Variants in GRIN2D observed in about 807,000 individuals in gnomAD.
GRIN2D encodes glutamate ionotropic receptor NMDA type subunit 2D.
GRIN2D carries 37 observed loss-of-function variants against 103.2 expected under a neutral mutation model. The ratio of observed to expected loss-of-function variants is 0.36; its 90% CI spans 0.28 to 0.47. The LOEUF (loss-of-function observed/expected upper bound fraction) is 0.47. Ranked by LOEUF, GRIN2D falls within the 20% of genes least tolerant of loss-of-function variation. GRIN2D has a pLI of 1.00. For synonymous variants in GRIN2D, 845 were observed against 885.6 expected (o/e 0.95, Z 0.81); for missense variants, 1,557 against 1,910.6 (o/e 0.81, Z 3.45).
At chr19:48,404,664 C>T in intron 3 of GRIN2D, 70 bp from the exon 4 acceptor site, 1 of 1,434,012 alleles carries the variant, frequency 7.0e-7, no homozygotes. Flanking sequence ...GAGCTGTGGT[C>T]CCCTTATTCA....
At chr19:48,415,316 A>G (rs2147451913) in intron 7 of GRIN2D, among the ~76,000 whole-genome samples, 1 of 152,160 alleles carries the variant, frequency 6.6e-6, no homozygotes, top group Non-Finnish European at 1.5e-5. Context: ...GGTTGCAGTA[A>G]GCGGAGATCG....
chr19:48,441,174 C>A (rs976395382), intron 11 of GRIN2D, among the ~76,000 whole-genome samples: 19 of 151,902 alleles, frequency 1.3e-4, no homozygotes, highest in African/African-American at 4.3e-4. Context: ...ATCAGCCTGG[C>A]CAACATGGTG....
intron 11 of GRIN2D, among the ~76,000 whole-genome samples, chr19:48,427,660 G>A (rs1971104355): frequency 6.7e-6 from 1 of 149,992 alleles, no homozygotes; most frequent in Non-Finnish European, 1.5e-5. Flanking sequence ...TGTATTTTTA[G>A]TAGAGATGGG....
At position 48,405,275 on chromosome 19, in the gene GRIN2D, G is replaced by A. The variant is rs772941439; in HGVS notation, c.1007G>A (p.Arg336His). The A allele has an allele frequency of 8.7e-6, 14 of 1,600,560 alleles. No homozygotes were observed. Among genetic ancestry groups the A allele is most frequent in the Admixed American group, 3.4e-5 (2 of 59,458 alleles). Residue 336 changes from arginine to histidine, a missense_variant, in exon 4 of 14, where the codon CGT (arginine) becomes CAT (histidine). Arg to His is a conservative substitution (Grantham distance 29). This residue lies in a region of GRIN2D where 490 missense variants were observed against 601.1 expected (regional missense o/e 0.82). Coordinates refer to ENST00000263269, the MANE Select transcript of GRIN2D (RefSeq NM_000836.4). This position sits in a 1 kb window ranked among gnomAD's most constrained non-coding sequence, Gnocchi z 5.1. ...VVARGAQALLRDYGFLPELGH... is the reference protein window; with the variant it reads ...VVARGAQALLHDYGFLPELGH... ...GCCAGAGGTGCCCAGGCCCTGCTGC[G>A]TGATTATGGTTTCCTTCCTGAGCTC...
chr19:48,436,025 G>C (rs369877434), intron 11 of GRIN2D, among the ~76,000 whole-genome samples: 1 of 152,188 alleles, frequency 6.6e-6, no homozygotes, highest in Non-Finnish European at 1.5e-5. Context: ...AGGTGTCTTT[G>C]GAGCAAACAC....
intron 3 of GRIN2D, among the ~76,000 whole-genome samples, chr19:48,401,069 T>G: frequency 1.5e-5 from 2 of 136,550 alleles, no homozygotes; most frequent in South Asian, 2.4e-4. Flanking sequence ...GGGGACAGAG[T>G]GAGACTGTTC....
In GRIN2D at chr19:48,442,623, T is replaced by G. The variant is rs62130268; in HGVS notation, c.2697T>G (p.Ala899=). Residue 899 remains alanine, a synonymous_variant, in exon 14 of 14, where the codon GCT becomes GCG. Transcript: ENST00000263269. This position sits in a 1 kb window ranked among gnomAD's most constrained non-coding sequence, Gnocchi z 7.2. ...FSRGMYSCCS[A]EAAPPPAKPP... Reference sequence around the variant, plus strand: ...AGGGCATGTACAGCTGCTGCAGCGCTGAGGCCGCCCCACCGCCCGCCAAGC... The same window carrying G: ...AGGGCATGTACAGCTGCTGCAGCGCGGAGGCCGCCCCACCGCCCGCCAAGC... 4 of 1,502,420 alleles carry G rather than the reference T, an allele frequency of 2.7e-6. No individual in the cohort carries two copies. The highest frequency in any genetic ancestry group is 2.1e-5 in the Admixed American group (1 of 48,402). The allele number at this position is 1,502,420 out of a possible 1,614,324, so 93.1% of individuals were successfully genotyped here. A position where few individuals can be genotyped will look rare whatever the true frequency, so the allele number is the denominator to read the frequency against.
rs201199379 is a variant in GRIN2D at position 48,442,409 on chromosome 19, G to T, written c.2673+27G>T. The T allele has an allele frequency of 6.3e-7, 1 of 1,588,800 alleles. No homozygotes were observed. The highest frequency in any genetic ancestry group is 2.2e-5 in the East Asian group (1 of 44,664). ...TATGGGGCAGAGAGGGAGGCAGAGA[G>T]GGGGAGATGGCAGGGGCGGGGACAA... On this transcript the variant is annotated intron_variant, in intron 13 of 13. Transcript: ENST00000263269. This position sits in a 1 kb window ranked among gnomAD's most constrained non-coding sequence, Gnocchi z 7.2.
intron 11 of GRIN2D, among the ~76,000 whole-genome samples, chr19:48,432,929 T>C (rs531546836): frequency 6.6e-6 from 1 of 151,282 alleles, no homozygotes; most frequent in East Asian, 2.0e-4. Context: ...TAGCTGGTTC[T>C]ACAGGCGCCC....
chr19:48,431,022 T>C (rs1971149791), intron 11 of GRIN2D, among the ~76,000 whole-genome samples: 1 of 152,096 alleles, frequency 6.6e-6, no homozygotes, highest in South Asian at 2.1e-4. Flanking sequence ...TTTCGCCATA[T>C]TGAAGAGCTT....
Position 48,442,283 on chromosome 19 carries a change from G to C in GRIN2D, c.2574G>C (p.Leu858=). The C allele has an allele frequency of 6.2e-7, 1 of 1,614,166 alleles. No individual in the cohort carries two copies. The highest frequency in any genetic ancestry group is 8.5e-7 in the Non-Finnish European group (1 of 1,180,032). The change falls in exon 13 of 14, where the codon CTG becomes CTC. Residue 858 remains leucine (L), a synonymous_variant. Coordinates refer to ENST00000263269, the MANE Select transcript of GRIN2D (RefSeq NM_000836.4). The surrounding 1 kb of genome is among the most constrained non-coding windows in gnomAD (Gnocchi z 7.2). ...VFYMLLVAMG[L]SLLVFAWEHL... The stretch of plus-strand genomic sequence containing the variant: ...ACATGCTCCTGGTGGCCATGGGCCT[G>C]TCCCTGCTGGTCTTCGCCTGGGAGC...
At position 48,443,271 on chromosome 19, in the gene GRIN2D, G is replaced by A; in HGVS notation, c.3345G>A (p.Ser1115=). ...ATCTCGAGCCGTCGCCGTCGGACTC[G>A]GAGGACTCGGAGAGCCTGGGCGGCG... ...YLDLEPSPSD[S]EDSESLGGAS... The change falls in exon 14 of 14, where the codon TCG becomes TCA. Residue 1115 remains serine (S), a synonymous_variant. Transcript: ENST00000263269. This position sits in a 1 kb window ranked among gnomAD's most constrained non-coding sequence, Gnocchi z 8.9. 6.6e-7 allele frequency: 1 copy of A among 1,519,760 alleles called. No homozygotes were observed. The highest frequency in any genetic ancestry group is 1.2e-5 in the South Asian group (1 of 84,668). 94.1% of individuals were successfully genotyped at this position (1,519,760 alleles called of 1,614,324 possible). A position where few individuals can be genotyped will look rare whatever the true frequency, so the allele number is the denominator to read the frequency against.
At chr19:48,440,644 A>G (rs1971279936) in intron 11 of GRIN2D, among the ~76,000 whole-genome samples, 1 of 119,414 alleles carries the variant, frequency 8.4e-6, no homozygotes, top group Admixed American at 8.5e-5. Flanking sequence ...TGCTTGGCAC[A>G]ATATAACTGA....
intron 2 of GRIN2D, among the ~76,000 whole-genome samples, chr19:48,395,938 G>T (rs1213657950): frequency 6.6e-6 from 1 of 151,864 alleles, no homozygotes; most frequent in African/African-American, 2.4e-5. Flanking sequence ...TGGCCTCCTG[G>T]GTCCTGGGAA....
In GRIN2D at chr19:48,442,352, C is replaced by A. The variant is rs1182398244; in HGVS notation, c.2643C>A (p.His881Gln). 6.2e-7 allele frequency: 1 copy of A among 1,613,074 alleles called. No homozygotes were observed. Among genetic ancestry groups the A allele is most frequent in the African/African-American group, 1.3e-5 (1 of 75,012 alleles). Reference sequence around the variant, plus strand: ...TGCGGCACTGCCTGGGGCCCACCCACCGCATGGACTTCCTGCTGGCCTTCT... The same window carrying A: ...TGCGGCACTGCCTGGGGCCCACCCAACGCATGGACTTCCTGCTGGCCTTCT... ...WRLRHCLGPT[H>Q]RMDFLLAFSR... Residue 881 changes from histidine to glutamine, a missense_variant, in exon 13 of 14, where the codon CAC becomes CAA. By Grantham distance (24) the His-to-Gln change is conservative. Transcript: ENST00000263269. This position sits in a 1 kb window ranked among gnomAD's most constrained non-coding sequence, Gnocchi z 7.2.
At chr19:48,426,224 C>CTTTCTTTCTTTTTTTTTTTTTTT (rs1555893889) in intron 11 of GRIN2D, among the ~76,000 whole-genome samples, 3 of 120,116 alleles carry the variant, frequency 2.5e-5, no homozygotes, top group African/African-American at 1.1e-4. Context: ...TTCTTTCTTT[C>CTTTCTTTCTTTTTTTTTTTTTTT]TTTTTTTTTT....
chr19:48,415,865 C>A, intron 7 of GRIN2D, 137 bp from the exon 8 acceptor site: 1 of 728,824 alleles, frequency 1.4e-6, no homozygotes, highest in South Asian at 1.5e-5. Flanking sequence ...CCTCCTCACC[C>A]ACCTCGCAAT....
intron 10 of GRIN2D, among the ~76,000 whole-genome samples, chr19:48,420,367 G>C (rs1324330787): frequency 6.6e-6 from 1 of 150,972 alleles, no homozygotes; most frequent in Admixed American, 6.6e-5. Context: ...GGCAGAGCTT[G>C]CAGTGAGCCG....
In GRIN2D at chr19:48,405,300, C is replaced by T. The variant is rs998095759; in HGVS notation, c.1032C>T (p.Leu344=). 1.2e-6 allele frequency: 2 copies of T among 1,601,474 alleles called. No individual in the cohort carries two copies. The highest frequency in any genetic ancestry group is 2.2e-5 in the East Asian group (1 of 44,640). ...GTGATTATGGTTTCCTTCCTGAGCT[C>T]GGCCACGACTGTCGCGCCCAGAACC... ...LLRDYGFLPE[L]GHDCRAQNRT... is the part of the protein sequence containing the mutation. The change falls in exon 4 of 14, where the codon CTC becomes CTT. Residue 344 remains leucine, a synonymous_variant. Coordinates refer to ENST00000263269, the MANE Select transcript of GRIN2D (RefSeq NM_000836.4). This position sits in a 1 kb window ranked among gnomAD's most constrained non-coding sequence, Gnocchi z 5.1.
Sources: gnomAD v4.1 joint callset for allele counts (sites outside exome capture counted in the v4.1 genomes callset) on GRCh38, gnomAD v4.1.1 for gene constraint, gnomAD v4.1.1 regional missense constraint, Gnocchi (gnomAD v3.1) non-coding constraint, MANE v1.5 for transcripts, NCBI Gene and HGNC (gene_info 2026-07-23, HGNC 2026-07-21) for gene names.